The following SYNM variants were observed in gnomAD, a reference collection of about 807,000 sequenced individuals.
SYNM encodes synemin.
SYNM carries 95 observed loss-of-function variants against 104.0 expected under a neutral mutation model. The ratio of observed to expected loss-of-function variants is 0.91; its 90% CI spans 0.77 to 1.08. The LOEUF (loss-of-function observed/expected upper bound fraction) is 1.08, where lower values mean the gene tolerates loss of function less well. SYNM is among the 50% of genes least tolerant of loss of function. The probability of loss-of-function intolerance (pLI) is 0.00; values close to 1 mark genes in which losing one functional copy is unlikely to be tolerated. For missense variants in SYNM, 2,150 were observed against 2,052.2 expected (o/e 1.05, Z -0.92); for synonymous variants, 918 against 869.0 (o/e 1.06, Z -0.99).
rs2151795424 is a variant in SYNM at position 99,105,256 on chromosome 15, C to T, written c.57C>T (p.Asn19=). The change falls in exon 1 of 4, where the codon AAC becomes AAT. Residue 19 remains asparagine (N), a synonymous_variant. Coordinates refer to ENST00000336292, the MANE Select transcript of SYNM (RefSeq NM_145728.3). ...AGAAGGCCGAGCTCCAGGAGCTCAACGCCCGGCTCTATGACTACGTGTGTC... is the reference window on the plus strand; with the variant it reads ...AGAAGGCCGAGCTCCAGGAGCTCAATGCCCGGCTCTATGACTACGTGTGTC... ...GPEKAELQEL[N]ARLYDYVCRV... 6.4e-7 allele frequency: 1 copy of T among 1,567,304 alleles called. No individual in the cohort carries two copies. The highest frequency in any genetic ancestry group is 8.6e-7 in the Non-Finnish European group (1 of 1,156,966).
chr15:99,121,082 G>A (rs1466987516), intron 2 of SYNM, among the ~76,000 whole-genome samples: 1 of 152,122 alleles, frequency 6.6e-6, no homozygotes, highest in African/African-American at 2.4e-5. Flanking sequence ...GATGGGAATT[G>A]GACTGGCAGA....
At chr15:99,126,224 T>C (rs966519555) in intron 2 of SYNM, among the ~76,000 whole-genome samples, 3 of 152,178 alleles carry the variant, frequency 2.0e-5, no homozygotes, top group African/African-American at 7.2e-5. Flanking sequence ...TCTGGCTGCC[T>C]TATAAGTGTC....
Position 99,131,100 on chromosome 15 carries a change from G to T in SYNM, c.2740G>T (p.Gly914Cys). The change falls in exon 4 of 4, where the codon GGT (glycine) becomes TGT (cysteine). Residue 914 changes from glycine to cysteine, a missense_variant. Physicochemically the swap from Gly to Cys is radical, Grantham distance 159 (BLOSUM62 -3). Transcript: ENST00000336292. The surrounding 1 kb of genome is among the most constrained non-coding windows in gnomAD (Gnocchi z 4.3). The stretch of plus-strand genomic sequence containing the variant: ...TCACTGGAAAGAACAAGCTAGAAGC[G>T]GTGAATTTCATGCCGAACCCACAGT... ...STHWKEQARSGEFHAEPTVIE... is the reference protein window; with the variant it reads ...STHWKEQARSCEFHAEPTVIE... 6.2e-7 allele frequency: 1 copy of T among 1,603,052 alleles called. No individual in the cohort carries two copies. The highest frequency in any genetic ancestry group is 8.5e-7 in the Non-Finnish European group (1 of 1,174,698).
Position 99,130,971 on chromosome 15 carries a change from C to G in SYNM, c.2611C>G (p.Gln871Glu), listed in dbSNP as rs1299782218. 3.5e-5 allele frequency: 56 copies of G among 1,613,618 alleles called. No individual in the cohort carries two copies. The highest frequency in any genetic ancestry group is 4.3e-5 in the Non-Finnish European group (51 of 1,179,808). The change falls in exon 4 of 4, where the codon CAG becomes GAG. Residue 871 changes from glutamine (Q) to glutamate (E), a missense_variant. Gln to Glu is a conservative substitution (Grantham distance 29). Coordinates refer to ENST00000336292, the MANE Select transcript of SYNM (RefSeq NM_145728.3). ...GTACTCTTGGCAGGATGAAATCGTG[C>G]AGGGGACTCGAAGGAGGACACAGAA... ...IRYSWQDEIVQGTRRRTQKDG... is the reference protein window; with the variant it reads ...IRYSWQDEIVEGTRRRTQKDG...
intron 1 of SYNM, among the ~76,000 whole-genome samples, chr15:99,112,824 C>T (rs1245548912): frequency 6.6e-6 from 1 of 152,196 alleles, no homozygotes; most frequent in East Asian, 1.9e-4. Context: ...GATTCCTGTT[C>T]CTCAGCCTCC....
chr15:99,139,399 A>C, downstream of SYNM: 1 of 1,614,160 alleles, frequency 6.2e-7, no homozygotes, highest in East Asian at 2.2e-5. Context: ...ATCTGGAGAC[A>C]CTGTAGAACA....
chr15:99,130,319 T>G lies in SYNM; in HGVS notation c.1959T>G (p.Ser653=). The change falls in exon 4 of 4, where the codon TCT becomes TCG. Residue 653 remains serine, a synonymous_variant. Coordinates refer to ENST00000336292, the MANE Select transcript of SYNM (RefSeq NM_145728.3). Reference sequence around the variant, plus strand: ...GTATCCTGAAGCAGTTCACTCAGTCTCCAGAGACAGAAGCATCTGCTGATT... The same window carrying G: ...GTATCCTGAAGCAGTTCACTCAGTCGCCAGAGACAGAAGCATCTGCTGATT... ...VTSILKQFTQ[S]PETEASADSF... 2 of 1,613,852 alleles carry G rather than the reference T, an allele frequency of 1.2e-6. No individual in the cohort carries two copies. The highest frequency in any genetic ancestry group is 1.7e-6 in the Non-Finnish European group (2 of 1,179,830).
At position 99,132,799 on chromosome 15, in the gene SYNM, G is replaced by C. The variant is rs1555486211; in HGVS notation, c.4439G>C (p.Gly1480Ala). ...EAIRSRTQEA[G>A]ALGVSDRGSW... Reference sequence around the variant, plus strand: ...ATCCGCAGCCGGACACAGGAAGCGGGAGCTCTCGGTGTGTCTGACCGTGGT... The same window carrying C: ...ATCCGCAGCCGGACACAGGAAGCGGCAGCTCTCGGTGTGTCTGACCGTGGT... The change falls in exon 4 of 4, where the codon GGA (glycine) becomes GCA (alanine). Residue 1480 changes from glycine (G) to alanine (A), a missense_variant. Gly to Ala is a moderately conservative substitution (Grantham distance 60). Coordinates refer to ENST00000336292, the MANE Select transcript of SYNM (RefSeq NM_145728.3). 3 of 1,614,048 alleles carry C rather than the reference G, an allele frequency of 1.9e-6. No individual in the cohort carries two copies. The highest frequency in any genetic ancestry group is 2.5e-6 in the Non-Finnish European group (3 of 1,179,906).
At chr15:99,111,216 A>T (rs2067297316) in intron 1 of SYNM, among the ~76,000 whole-genome samples, 1 of 152,294 alleles carries the variant, frequency 6.6e-6, no homozygotes, top group East Asian at 1.9e-4. Context: ...TTGTGGTTGG[A>T]GAGCTTTCAT....
At chr15:99,127,326 A>G (rs1365464867) in intron 3 of SYNM, among the ~76,000 whole-genome samples, 3 of 152,214 alleles carry the variant, frequency 2.0e-5, no homozygotes, top group African/African-American at 4.8e-5. Context: ...ATTGAGGCCA[A>G]GAGCCTCAGG....
rs782502643 is a variant in SYNM, at chr15:99,130,181, C to G, written c.1821C>G (p.Thr607=). ...CTGTGAAGGATGCTGGTGGTGGGAC[C>G]GGTAGAGAGGCAGAAGCAAGAGAGC... is the stretch of plus-strand genomic sequence containing the variant. The part of the protein sequence containing the change: ...QTPVKDAGGG[T]GREAEARELR... The change falls in exon 4 of 4, where the codon ACC becomes ACG. Residue 607 remains threonine, a synonymous_variant. Coordinates refer to ENST00000336292, the MANE Select transcript of SYNM (RefSeq NM_145728.3). 6.2e-7 allele frequency: 1 copy of G among 1,613,792 alleles called. No individual in the cohort carries two copies. The highest frequency in any genetic ancestry group is 8.5e-7 in the Non-Finnish European group (1 of 1,179,870).
intron 2 of SYNM, among the ~76,000 whole-genome samples, chr15:99,114,222 G>C (rs982373577): frequency 6.6e-6 from 1 of 152,170 alleles, no homozygotes; most frequent in Non-Finnish European, 1.5e-5. Context: ...ACTTACAATC[G>C]TGGCGGAAGG....
intron 1 of SYNM, among the ~76,000 whole-genome samples, chr15:99,111,017 C>T (rs554944040): frequency 1.5e-3 from 235 of 152,352 alleles, no homozygotes; most frequent in African/African-American, 5.3e-3. Context: ...AACTAATTTT[C>T]CTTTGACAAT....
chr15:99,112,137 CCT>C (rs1276790886), intron 1 of SYNM, among the ~76,000 whole-genome samples: 1 of 152,184 alleles, frequency 6.6e-6, no homozygotes, highest in Non-Finnish European at 1.5e-5. Flanking sequence ...TATTATGGAC[CCT>C]CAGCATCTTG....
At chr15:99,126,363 C>G (rs2067447520) in intron 2 of SYNM, among the ~76,000 whole-genome samples, 1 of 152,244 alleles carries the variant, frequency 6.6e-6, no homozygotes, top group African/African-American at 2.4e-5. Flanking sequence ...TCCAGTGCCC[C>G]CTTGCTCCTG....
chr15:99,133,158 TCC>T lies in SYNM; in HGVS notation c.*103_*104del, dbSNP rs1449125957. The T allele has an allele frequency of 2.0e-6, 3 of 1,519,790 alleles. No homozygotes were observed. Among genetic ancestry groups the T allele is most frequent in the Non-Finnish European group, 2.6e-6 (3 of 1,142,836 alleles). 94.1% of individuals were successfully genotyped at this position (1,519,790 alleles called of 1,614,324 possible). A position where few individuals can be genotyped will look rare whatever the true frequency, so the allele number is the denominator to read the frequency against. ...GAGGCCGAGGGAGTCTATGAAAATC[TCC>T]CCTTTTTTACTTTTTTAAAGAGTAC... On this transcript the variant is annotated 3_prime_UTR_variant, in exon 4 of 4. Transcript: ENST00000336292.
At chr15:99,126,629 T>C (rs1479792378) in intron 2 of SYNM, 93 bp from the exon 3 acceptor site, 47 of 1,220,344 alleles carry the variant, frequency 3.9e-5, no homozygotes, top group Non-Finnish European at 5.4e-5. Context: ...GGTGACACTA[T>C]GGTCATTGGC....
Position 99,126,788 on chromosome 15 carries a change from G to C in SYNM, c.1002G>C (p.Pro334=). 1 of 1,566,270 alleles carries C rather than the reference G, an allele frequency of 6.4e-7. No individual in the cohort carries two copies. The highest frequency in any genetic ancestry group is 8.7e-7 in the Non-Finnish European group (1 of 1,154,652). The change falls in exon 3 of 4, where the codon CCG becomes CCC. Residue 334 remains proline, a synonymous_variant. Transcript: ENST00000336292. ...VIWAEHVENM[P]SEFRNKSYHY... is the part of the protein sequence containing the mutation. ...GGGCTGAGCACGTTGAAAACATGCCGTCAGGTAAGTAAAAGCTAATGACTT... is the reference window on the plus strand; with the variant it reads ...GGGCTGAGCACGTTGAAAACATGCCCTCAGGTAAGTAAAAGCTAATGACTT...
In SYNM at chr15:99,105,922, G is replaced by T; in HGVS notation, c.723G>T (p.Ala241=). The change falls in exon 1 of 4, where the codon GCG becomes GCT. Residue 241 remains alanine (A), a synonymous_variant. Transcript: ENST00000336292. ...AGGCAGAGGCGCTGCGGCGCGAGGC[G>T]CTCGGGTTGGAGCAGCTGCGCGCGC... is the stretch of plus-strand genomic sequence containing the variant. ...AQEAEALRRE[A]LGLEQLRARL... 6.5e-7 allele frequency: 1 copy of T among 1,531,410 alleles called. No homozygotes were observed. Among genetic ancestry groups the T allele is most frequent in the Non-Finnish European group, 8.7e-7 (1 of 1,144,198 alleles). The allele number at this position is 1,531,410 out of a possible 1,614,324, so 94.9% of individuals were successfully genotyped here.
Sources: gnomAD v4.1 joint callset for allele counts (sites outside exome capture counted in the v4.1 genomes callset) on GRCh38, gnomAD v4.1.1 for gene constraint, Gnocchi (gnomAD v3.1) non-coding constraint, MANE v1.5 for transcripts, NCBI Gene and HGNC (gene_info 2026-07-23, HGNC 2026-07-21) for gene names.